The following AGMO variants were observed in gnomAD, a reference collection of about 807,000 sequenced individuals.
AGMO encodes glyceryl-ether monooxygenase.
In AGMO, 75 loss-of-function variants were observed where a neutral mutation model predicts 60.2. That is an observed-to-expected ratio of 1.25 (90% CI 1.03 to 1.51). AGMO has a LOEUF of 1.51. Among genes scored for constraint, AGMO ranks in the 40% most tolerant of loss-of-function variants. The probability of loss-of-function intolerance (pLI) is 0.00; values close to 1 mark genes in which losing one functional copy is unlikely to be tolerated. For synonymous variants in AGMO, 261 were observed against 177.1 expected, an observed-to-expected ratio of 1.47 and a Z score of -3.76; for missense variants, 763 against 525.5, an observed-to-expected ratio of 1.45 and a Z score of -4.42.
At chr7:15,525,986 A>G (rs1784119386) in intron 3 of AGMO, among the ~76,000 whole-genome samples, 1 of 152,172 alleles carries the variant, frequency 6.6e-6, no homozygotes, top group Non-Finnish European at 1.5e-5. Context: ...CAAGCCCTGC[A>G]TGGAACTCAC....
At chr7:15,344,906 T>C (rs1407419252) in intron 12 of AGMO, among the ~76,000 whole-genome samples, 1 of 152,206 alleles carries the variant, frequency 6.6e-6, no homozygotes, top group African/African-American at 2.4e-5. Flanking sequence ...TTTATCTCCC[T>C]GTGGAGACTG....
At chr7:15,138,981 C>G in the AGMO span, among the ~76,000 whole-genome samples, 278 of 152,148 alleles carry the variant, frequency 1.8e-3, 1 homozygote, top group African/African-American at 6.3e-3. Context: ...AATAAATATC[C>G]TCCCTGAACT....
At chr7:15,545,010 A>C in intron 2 of AGMO, 87 bp from the exon 3 acceptor site, 1 of 916,828 alleles carries the variant, frequency 1.1e-6, no homozygotes, top group Non-Finnish European at 1.5e-6. Flanking sequence ...TTTAAAATTA[A>C]TATCTTCATA....
chr7:15,411,797 T>A (rs1780617398), intron 5 of AGMO, among the ~76,000 whole-genome samples: 1 of 152,210 alleles, frequency 6.6e-6, no homozygotes, highest in African/African-American at 2.4e-5. Context: ...ACAAATAGTA[T>A]GTATTTTTTT....
the AGMO span, among the ~76,000 whole-genome samples, chr7:15,121,235 G>T: frequency 3.3e-5 from 5 of 152,170 alleles, no homozygotes; most frequent in Admixed American, 6.5e-5. Context: ...TGGGCATTTG[G>T]GTTGGTTCCA....
At chr7:15,309,721 T>C (rs148093531) in intron 12 of AGMO, among the ~76,000 whole-genome samples, 187 of 152,268 alleles carry the variant, frequency 1.2e-3, no homozygotes, top group African/African-American at 3.9e-3. Flanking sequence ...ACCTTAGTTA[T>C]TATTATATTT....
intron 12 of AGMO, among the ~76,000 whole-genome samples, chr7:15,213,704 A>G (rs1781658878): frequency 1.3e-5 from 2 of 151,968 alleles, no homozygotes; most frequent in South Asian, 4.1e-4. Context: ...GATGGAGATA[A>G]GCTAGCTTCC....
intron 12 of AGMO, among the ~76,000 whole-genome samples, chr7:15,205,800 A>C (rs1384812335): frequency 6.6e-6 from 1 of 152,134 alleles, no homozygotes; most frequent in Non-Finnish European, 1.5e-5. Context: ...TATTAGAATA[A>C]CTATTTTGTA....
intron 12 of AGMO, among the ~76,000 whole-genome samples, chr7:15,250,957 T>A (rs1014841844): frequency 2.1e-4 from 31 of 150,542 alleles, no homozygotes; most frequent in East Asian, 3.9e-4. Context: ...AAAAAAAAAA[T>A]ATATATATAT....
At chr7:15,417,546 G>C (rs574917889) in intron 5 of AGMO, among the ~76,000 whole-genome samples, 1 of 152,190 alleles carries the variant, frequency 6.6e-6, no homozygotes, top group East Asian at 1.9e-4. Context: ...TTGACCTCTA[G>C]AGTCAGAATT....
the AGMO span, among the ~76,000 whole-genome samples, chr7:15,144,866 G>A: frequency 1.3e-5 from 2 of 152,230 alleles, no homozygotes; most frequent in Admixed American, 1.3e-4. Context: ...GTCTCGCTCT[G>A]CCGCCCAGGC....
chr7:15,157,397 T>C, the AGMO span, among the ~76,000 whole-genome samples: 1 of 152,224 alleles, frequency 6.6e-6, no homozygotes, highest in African/African-American at 2.4e-5. Flanking sequence ...TAAATAAAAA[T>C]TATCTAACAT....
the AGMO span, among the ~76,000 whole-genome samples, chr7:15,119,767 T>C: frequency 6.6e-6 from 1 of 152,106 alleles, no homozygotes; most frequent in South Asian, 2.1e-4. Flanking sequence ...AGACACTTTT[T>C]CCCCTAGCCT....
chr7:15,354,326 G>A (rs547589213), intron 12 of AGMO, among the ~76,000 whole-genome samples: 5,531 of 32,054 alleles, frequency 0.17, 936 homozygotes, highest in African/African-American at 0.3. Flanking sequence ...GTGTATATAC[G>A]TACGCGTGTA....
chr7:15,438,853 T>C (rs1428562126), intron 3 of AGMO, among the ~76,000 whole-genome samples: 2 of 152,220 alleles, frequency 1.3e-5, no homozygotes, highest in Non-Finnish European at 2.9e-5. Context: ...CTAACTACAA[T>C]ACATCCTCAC....
chr7:15,510,752 T>C (rs1393207655), intron 3 of AGMO, among the ~76,000 whole-genome samples: 1 of 150,006 alleles, frequency 6.7e-6, no homozygotes, highest in African/African-American at 2.4e-5. Context: ...AAGTCTCTAC[T>C]TAACGTTATT....
chr7:15,352,656 T>C (rs1782291459), intron 12 of AGMO, among the ~76,000 whole-genome samples: 2 of 151,858 alleles, frequency 1.3e-5, no homozygotes, highest in African/African-American at 2.4e-5. Context: ...GGAAACCAGC[T>C]TACAGGCAAC....
intron 12 of AGMO, among the ~76,000 whole-genome samples, chr7:15,344,233 A>T (rs1021838893): frequency 5.9e-5 from 9 of 152,210 alleles, no homozygotes; most frequent in African/African-American, 2.2e-4. Flanking sequence ...TTGCATAAAT[A>T]TGTAATTACA....
downstream of AGMO, among the ~76,000 whole-genome samples, chr7:15,198,951 C>T (rs1781203431): frequency 6.6e-6 from 1 of 152,142 alleles, no homozygotes; most frequent in Non-Finnish European, 1.5e-5. Context: ...AATCTTGTGG[C>T]TAATTTGTTA....
Sources: allele counts gnomAD v4.1 joint callset (sites outside exome capture counted in the v4.1 genomes callset), GRCh38; gene constraint gnomAD v4.1.1; transcripts MANE v1.5; gene names NCBI Gene and HGNC (gene_info 2026-07-23, HGNC 2026-07-21).